The following VEPH1 variants were observed in gnomAD, a reference collection of about 807,000 sequenced individuals.
VEPH1 encodes ventricular zone-expressed PH domain-containing protein homolog 1.
Under a neutral mutation model 85.2 loss-of-function variants are expected in VEPH1, and 80 were observed. The ratio of observed to expected loss-of-function variants is 0.94; its 90% CI spans 0.78 to 1.13. The LOEUF (loss-of-function observed/expected upper bound fraction) is 1.13. VEPH1 is among the 50% of genes most tolerant of loss of function. The pLI is 0.00. For synonymous variants in VEPH1, 297 were observed against 348.0 expected, an observed-to-expected ratio of 0.85 and a Z score of 1.63; for missense variants, 955 against 980.5, an observed-to-expected ratio of 0.97 and a Z score of 0.35.
At chr3:157,397,718 G>T (rs1338685355) in intron 6 of VEPH1, among the ~76,000 whole-genome samples, 1 of 152,086 alleles carries the variant, frequency 6.6e-6, no homozygotes, top group Non-Finnish European at 1.5e-5. Context: ...TTGGCTCTCT[G>T]CTTGTCTATT....
intron 7 of VEPH1, among the ~76,000 whole-genome samples, chr3:157,366,194 C>T (rs1473048159): frequency 6.6e-6 from 1 of 152,122 alleles, no homozygotes; most frequent in Admixed American, 6.5e-5. Flanking sequence ...TTTTTTATTA[C>T]AGTATATAAT....
intron 2 of VEPH1, among the ~76,000 whole-genome samples, chr3:157,486,039 C>A (rs935857376): frequency 6.6e-6 from 1 of 152,136 alleles, no homozygotes; most frequent in African/African-American, 2.4e-5. Flanking sequence ...CTGTTAGTAA[C>A]TGATGGTCCA....
chr3:157,360,790 C>T (rs941816982), intron 9 of VEPH1, among the ~76,000 whole-genome samples: 7 of 151,992 alleles, frequency 4.6e-5, no homozygotes, highest in South Asian at 2.1e-4. Flanking sequence ...GGCTTTTGCA[C>T]GATTGTACAG....
chr3:157,275,541 A>G (rs923615033), intron 12 of VEPH1, among the ~76,000 whole-genome samples: 3 of 152,136 alleles, frequency 2.0e-5, no homozygotes, highest in Admixed American at 6.5e-5. Context: ...GTGCCATTGC[A>G]TACCAGTCTG....
intron 2 of VEPH1, among the ~76,000 whole-genome samples, chr3:157,489,876 T>A (rs2109706749): frequency 6.6e-6 from 1 of 152,058 alleles, no homozygotes; most frequent in Middle Eastern, 3.4e-3. Flanking sequence ...GAACATAAGA[T>A]CACCATACAA....
chr3:157,386,853 A>C, intron 6 of VEPH1, among the ~76,000 whole-genome samples: 1 of 152,314 alleles, frequency 6.6e-6, no homozygotes, highest in East Asian at 1.9e-4. Context: ...TGTTCTATTA[A>C]TGCAAATGTC....
chr3:157,352,713 T>C (rs945708326), intron 9 of VEPH1, among the ~76,000 whole-genome samples: 5 of 152,238 alleles, frequency 3.3e-5, no homozygotes, highest in African/African-American at 1.2e-4. Context: ...AAAAAAACCT[T>C]GGCTGAATAA....
At chr3:157,437,199 T>C in intron 4 of VEPH1, 1 of 1,201,406 alleles carries the variant, frequency 8.3e-7, no homozygotes, top group South Asian at 1.3e-5. Context: ...GAGAAGCACT[T>C]GAAGAAAGAT....
chr3:157,396,692 G>A (rs1730410433), intron 6 of VEPH1, among the ~76,000 whole-genome samples: 1 of 152,198 alleles, frequency 6.6e-6, no homozygotes, highest in Non-Finnish European at 1.5e-5. Context: ...TTAATGATCA[G>A]TGATGTTGAG....
chr3:157,301,567 G>T (rs565135208), intron 11 of VEPH1, among the ~76,000 whole-genome samples: 1 of 152,118 alleles, frequency 6.6e-6, no homozygotes, highest in African/African-American at 2.4e-5. Context: ...GTTCCTTCTT[G>T]TTCCTCCACC....
chr3:157,421,246 A>C (rs541244060), intron 5 of VEPH1, among the ~76,000 whole-genome samples: 1 of 151,906 alleles, frequency 6.6e-6, no homozygotes, highest in South Asian at 2.1e-4. Context: ...TATGTAGAGA[A>C]TTTTTTTTTC....
chr3:157,280,517 G>T (rs1217699172), intron 12 of VEPH1, among the ~76,000 whole-genome samples: 1 of 152,152 alleles, frequency 6.6e-6, no homozygotes, highest in Non-Finnish European at 1.5e-5. Flanking sequence ...CCTGAGGGGT[G>T]TTAGGTTACT....
chr3:157,332,951 C>T (rs922161051), intron 9 of VEPH1, among the ~76,000 whole-genome samples: 4 of 152,254 alleles, frequency 2.6e-5, no homozygotes, highest in African/African-American at 9.6e-5. Context: ...ATTGTACACA[C>T]AGATGAGGAG....
intron 12 of VEPH1, among the ~76,000 whole-genome samples, chr3:157,282,631 C>T (rs1716283544): frequency 6.6e-6 from 1 of 152,072 alleles, no homozygotes; most frequent in African/African-American, 2.4e-5. Context: ...TCATGTGTCT[C>T]GAGAAATGAG....
At chr3:157,405,435 G>A (rs549134062) in intron 6 of VEPH1, among the ~76,000 whole-genome samples, 1 of 152,090 alleles carries the variant, frequency 6.6e-6, no homozygotes, top group African/African-American at 2.4e-5. Flanking sequence ...GGGAAATAAA[G>A]TACTGTTCCT....
chr3:157,353,041 C>T (rs1725036733), intron 9 of VEPH1, among the ~76,000 whole-genome samples: 1 of 152,110 alleles, frequency 6.6e-6, no homozygotes, highest in Non-Finnish European at 1.5e-5. Flanking sequence ...ATGAAGTAAC[C>T]TGTTCAAGGA....
intron 13 of VEPH1, among the ~76,000 whole-genome samples, chr3:157,261,637 C>T (rs2108227649): frequency 6.6e-6 from 1 of 152,124 alleles, no homozygotes; most frequent in South Asian, 2.1e-4. Context: ...ATTCAGAGTT[C>T]TTTCATTTTC....
At chr3:157,267,473 A>G (rs1274594298) in intron 12 of VEPH1, among the ~76,000 whole-genome samples, 1 of 151,588 alleles carries the variant, frequency 6.6e-6, no homozygotes, top group Admixed American at 6.6e-5. Flanking sequence ...TGGCTGTTCC[A>G]TTGTCAACTC....
At chr3:157,460,419 C>T (rs750560941) in intron 3 of VEPH1, 64 bp from the exon 4 acceptor site, 2 of 1,537,572 alleles carry the variant, frequency 1.3e-6, no homozygotes, top group Middle Eastern at 1.7e-4. Flanking sequence ...CATTCATTCA[C>T]TCATTCAAAA....
Sources: allele counts gnomAD v4.1 joint callset (sites outside exome capture counted in the v4.1 genomes callset), GRCh38; gene constraint gnomAD v4.1.1; transcripts MANE v1.5; gene names NCBI Gene and HGNC (gene_info 2026-07-23, HGNC 2026-07-21).